PTPRN2: variants seen among roughly 807,000 people sequenced by gnomAD.
PTPRN2 encodes the protein protein tyrosine phosphatase receptor type N2, also known as receptor-type tyrosine-protein phosphatase N2.
Under a neutral mutation model 118.8 loss-of-function variants are expected in PTPRN2, and 74 were observed. The ratio of observed to expected loss-of-function variants is 0.62; its 90% CI spans 0.52 to 0.76. The LOEUF (loss-of-function observed/expected upper bound fraction) is 0.76, where lower values mean the gene tolerates loss of function less well. Ranked by LOEUF, PTPRN2 falls within the 30% of genes least tolerant of loss-of-function variation. PTPRN2 has a pLI of 0.00. For missense variants in PTPRN2, 1,481 were observed against 1,394.4 expected (o/e 1.06, Z -0.99); for synonymous variants, 641 against 608.0 (o/e 1.05, Z -0.80).
intron 12 of PTPRN2, chr7:157,863,434 G>A (rs1418142477): frequency 2.0e-5 from 3 of 152,188 alleles, no homozygotes; most frequent in African/African-American, 7.2e-5. Flanking sequence ...GGTCAATCCT[G>A]GCCCATGCTA....
At chr7:157,991,765 G>A (rs1563306624) in intron 11 of PTPRN2, among the ~76,000 whole-genome samples, 1 of 151,568 alleles carries the variant, frequency 6.6e-6, no homozygotes, top group Non-Finnish European at 1.5e-5. Flanking sequence ...AAGGCCAAGG[G>A]CACCTAAGCA....
At chr7:157,994,698 C>G (rs1804564145) in intron 11 of PTPRN2, among the ~76,000 whole-genome samples, 1 of 117,118 alleles carries the variant, frequency 8.5e-6, no homozygotes, top group African/African-American at 3.6e-5. Flanking sequence ...CAGCTTACAG[C>G]TCCTTGTTCC....
At chr7:157,668,520 T>C (rs1182946909) in intron 13 of PTPRN2, among the ~76,000 whole-genome samples, 1 of 152,146 alleles carries the variant, frequency 6.6e-6, no homozygotes, top group African/African-American at 2.4e-5. Flanking sequence ...CGTACAAAGC[T>C]GGGCAGGAAA....
At chr7:157,776,182 C>T (rs191969290) in intron 12 of PTPRN2, among the ~76,000 whole-genome samples, 1 of 139,862 alleles carries the variant, frequency 7.1e-6, no homozygotes, top group East Asian at 2.3e-4. Flanking sequence ...CTCCTTCTCC[C>T]TCTCCTTCAC....
In PTPRN2 at chr7:157,861,306, AGGCCT is replaced by A. The variant is rs1302675454; in HGVS notation, c.1788+37362_1788+37366del. 1.3e-5 allele frequency among the ~76,000 whole-genome samples: 2 copies of A among 152,232 alleles called. No homozygotes were observed. Among genetic ancestry groups the A allele is most frequent in the Non-Finnish European group, 2.9e-5 (2 of 68,042 alleles). Reference sequence around the variant, plus strand: ...TGTGGGGAATCCGTGGGAGGATGAGAGGCCTGGATTGCACCGGAAGCACCTCCGGC... The same window carrying A: ...TGTGGGGAATCCGTGGGAGGATGAGAGGATTGCACCGGAAGCACCTCCGGC... On this transcript the variant is annotated intron_variant, in intron 12 of 22. Transcript: ENST00000389418. This position sits in a 1 kb window ranked among gnomAD's most constrained non-coding sequence, Gnocchi z 5.8.
Position 157,830,345 on chromosome 7 carries a change from C to G in PTPRN2, c.1788+68328G>C, listed in dbSNP as rs73513252. 7.9e-3 allele frequency among the ~76,000 whole-genome samples: 1,209 copies of G among 152,324 alleles called. 8 individuals carry two copies. Among genetic ancestry groups the G allele is most frequent in the African/African-American group, 0.028 (1,147 of 41,564 alleles). On this transcript the variant is annotated intron_variant, in intron 12 of 22. Coordinates refer to ENST00000389418, the MANE Select transcript of PTPRN2 (RefSeq NM_002847.5). ...TACCCCTAAGTTCTCAAGGTATCAT[C>G]CTGCAAATCAACGATGAATTACCAA...
At chr7:158,533,893 C>T (rs1231964518) in intron 1 of PTPRN2, among the ~76,000 whole-genome samples, 2 of 152,220 alleles carry the variant, frequency 1.3e-5, no homozygotes, top group Non-Finnish European at 1.5e-5. Flanking sequence ...CCCTCCGTGC[C>T]GCCGTCACAG....
At chr7:158,316,186 A>G (rs942484873) in intron 3 of PTPRN2, among the ~76,000 whole-genome samples, 1 of 152,160 alleles carries the variant, frequency 6.6e-6, no homozygotes, top group African/African-American at 2.4e-5. Flanking sequence ...CGCTTACTCC[A>G]GATGTGGATT....
chr7:158,201,216 G>T (rs911028436), intron 4 of PTPRN2, among the ~76,000 whole-genome samples: 1 of 151,952 alleles, frequency 6.6e-6, no homozygotes, highest in African/African-American at 2.4e-5. Context: ...GAAAACGTAC[G>T]TTTACAATGC....
intron 12 of PTPRN2, among the ~76,000 whole-genome samples, chr7:157,789,836 G>A (rs1804328653): frequency 6.7e-6 from 1 of 150,234 alleles, no homozygotes. Context: ...GTTTGTGTGT[G>A]TAGTATATGT....
In PTPRN2 at chr7:157,610,590, C is replaced by G. The variant is rs1424783387; in HGVS notation, c.2345-6515G>C. Among the ~76,000 whole-genome samples the G allele has an allele frequency of 6.6e-6, 1 of 152,188 alleles. No homozygotes were observed. Among genetic ancestry groups the G allele is most frequent in the Admixed American group, 6.5e-5 (1 of 15,284 alleles). On this transcript the variant is annotated intron_variant, in intron 15 of 22. Transcript: ENST00000389418. This position sits in a 1 kb window ranked among gnomAD's most constrained non-coding sequence, Gnocchi z 5.1. Reference sequence around the variant, plus strand: ...GGGGCTGCTGGCCGTCAGCAAGGGCCGTCAGTGCTGCTTAGGGATCCCAGC... The same window carrying G: ...GGGGCTGCTGGCCGTCAGCAAGGGCGGTCAGTGCTGCTTAGGGATCCCAGC...
At position 157,986,515 on chromosome 7, in the gene PTPRN2, C is replaced by A. The variant is rs973369455; in HGVS notation, c.1724-87778G>T. 6.6e-6 allele frequency among the ~76,000 whole-genome samples: 1 copy of A among 152,104 alleles called. No individual in the cohort carries two copies. Among genetic ancestry groups the A allele is most frequent in the Admixed American group, 6.5e-5 (1 of 15,268 alleles). On this transcript the variant is annotated intron_variant, in intron 11 of 22. Transcript: ENST00000389418. This position sits in a 1 kb window ranked among gnomAD's most constrained non-coding sequence, Gnocchi z 4.5. ...TCTCCCCAAGCACAGGCCATGCCTG[C>A]CTCTCCCAGGTGGCATCTCCTCTCT...
intron 4 of PTPRN2, among the ~76,000 whole-genome samples, chr7:158,193,502 G>A (rs1358888474): frequency 6.6e-6 from 1 of 152,120 alleles, no homozygotes; most frequent in Non-Finnish European, 1.5e-5. Flanking sequence ...TGTTTATGGG[G>A]AGCCCTGGTG....
intron 11 of PTPRN2, among the ~76,000 whole-genome samples, chr7:158,016,815 A>T (rs1806496084): frequency 1.3e-5 from 2 of 152,168 alleles, no homozygotes; most frequent in African/African-American, 4.8e-5. Flanking sequence ...ATGCGGCAGG[A>T]ATAAAAGCTG....
intron 12 of PTPRN2, among the ~76,000 whole-genome samples, chr7:157,885,197 G>A (rs530654513): frequency 1.3e-5 from 2 of 152,250 alleles, no homozygotes; most frequent in Admixed American, 1.3e-4. Context: ...AAGTGATTAT[G>A]GAAAATGTGA....
At chr7:158,192,838 C>G (rs1825888679) in intron 4 of PTPRN2, among the ~76,000 whole-genome samples, 1 of 152,284 alleles carries the variant, frequency 6.6e-6, no homozygotes, top group Non-Finnish European at 1.5e-5. Flanking sequence ...CAGGAATTCT[C>G]CAGGAGGCTG....
intron 3 of PTPRN2, among the ~76,000 whole-genome samples, chr7:158,295,858 C>T (rs1259153463): frequency 1.3e-5 from 2 of 152,286 alleles, no homozygotes; most frequent in African/African-American, 2.4e-5. Context: ...TGCCCCACAT[C>T]TCCATAGCAC....
chr7:157,773,109 A>C (rs536399392), intron 12 of PTPRN2, among the ~76,000 whole-genome samples: 1 of 152,284 alleles, frequency 6.6e-6, no homozygotes, highest in African/African-American at 2.4e-5. Context: ...TGGGACCATC[A>C]AGATGCTACA....
intron 2 of PTPRN2, among the ~76,000 whole-genome samples, chr7:158,364,519 G>T (rs2151299930): frequency 6.6e-6 from 1 of 152,332 alleles, no homozygotes; most frequent in South Asian, 2.1e-4. Flanking sequence ...GATCTCCTAA[G>T]ATCTGAGAAT....
Sources: gnomAD v4.1 joint callset for allele counts (sites outside exome capture counted in the v4.1 genomes callset) on GRCh38, gnomAD v4.1.1 for gene constraint, Gnocchi (gnomAD v3.1) non-coding constraint, MANE v1.5 for transcripts, NCBI Gene and HGNC (gene_info 2026-07-23, HGNC 2026-07-21) for gene names.